Variants in ATRNL1 observed in about 807,000 individuals in gnomAD.
The protein encoded by ATRNL1 is attractin like 1.
A neutral mutation model predicts 182.7 loss-of-function variants in ATRNL1; 95 were observed. The observed-to-expected ratio is 0.52, with a 90% confidence interval of 0.44 to 0.62. The LOEUF (loss-of-function observed/expected upper bound fraction) is 0.62. ATRNL1 is among the 20% of genes least tolerant of loss of function. The probability of loss-of-function intolerance (pLI) is 0.00; values close to 1 mark genes in which losing one functional copy is unlikely to be tolerated. For missense variants in ATRNL1, 1,471 were observed against 1,679.5 expected (o/e 0.88, Z 2.17); for synonymous variants, 576 against 568.3 (o/e 1.01, Z -0.19).
intron 26 of ATRNL1, among the ~76,000 whole-genome samples, chr10:115,717,820 C>T (rs1171675139): frequency 1.3e-5 from 2 of 152,106 alleles, no homozygotes; most frequent in Non-Finnish European, 2.9e-5. Context: ...TCCCAAAGTG[C>T]TGGGATTACA....
rs140301580 is a variant in ATRNL1 at position 115,729,739 on chromosome 10, T to G, written c.3903+2384T>G. Among the ~76,000 whole-genome samples the G allele has an allele frequency of 6.9e-3, 1,045 of 152,204 alleles. 14 individuals are homozygous for G. Among genetic ancestry groups the G allele is most frequent in the African/African-American group, 0.024 (985 of 41,528 alleles). On this transcript the variant is annotated intron_variant, in intron 27 of 28. Coordinates refer to ENST00000355044, the MANE Select transcript of ATRNL1 (RefSeq NM_207303.4). ...CCTCCATTGCCCATCTCAAATAAAA[T>G]TAATACTTTAGCATGCTCTCAACTT...
chr10:115,792,225 G>A (rs1048643485), intron 27 of ATRNL1, among the ~76,000 whole-genome samples: 5 of 152,068 alleles, frequency 3.3e-5, no homozygotes, highest in Non-Finnish European at 5.9e-5. Flanking sequence ...TCCTCATCTA[G>A]TTGAAGTTAG....
intron 21 of ATRNL1, among the ~76,000 whole-genome samples, chr10:115,446,768 A>C (rs1322260775): frequency 6.6e-6 from 1 of 152,046 alleles, no homozygotes; most frequent in Non-Finnish European, 1.5e-5. Context: ...TGAGAAGTGT[A>C]AATAAGAGAG....
chr10:115,146,210 A>G (rs1380627776), intron 5 of ATRNL1, among the ~76,000 whole-genome samples: 4 of 152,180 alleles, frequency 2.6e-5, no homozygotes, highest in African/African-American at 4.8e-5. Context: ...CCACTTCAAC[A>G]TTAAAATGAA....
chr10:115,938,673 T>C (rs1953636229), intron 28 of ATRNL1, among the ~76,000 whole-genome samples: 1 of 152,144 alleles, frequency 6.6e-6, no homozygotes, highest in Admixed American at 6.6e-5. Context: ...TATACAGCCT[T>C]AAAAAGAAGG....
At chr10:115,358,016 T>C (rs1856577165) in intron 19 of ATRNL1, among the ~76,000 whole-genome samples, 1 of 151,700 alleles carries the variant, frequency 6.6e-6, no homozygotes, top group Non-Finnish European at 1.5e-5. Context: ...ATCCTGGCTC[T>C]GCACTATCTA....
At position 115,127,535 on chromosome 10, in the gene ATRNL1, G is replaced by A. The variant is rs1845025710; in HGVS notation, c.492-58G>A. 17 of 1,416,188 alleles carry A rather than the reference G, an allele frequency of 1.2e-5. No individual in the cohort carries two copies. The East Asian group carries it at 4.0e-4, about 33-fold the overall frequency. The allele number at this position is 1,416,188 out of a possible 1,614,324, so 87.7% of individuals were successfully genotyped here. On this transcript the variant is annotated intron_variant, in intron 3 of 28. Coordinates refer to ENST00000355044, the MANE Select transcript of ATRNL1 (RefSeq NM_207303.4). ...AAGAATATTTCTGAGTAAATTTTATGTGCTTAACAGTCTTATGTATATCTA... is the reference window on the plus strand; with the variant it reads ...AAGAATATTTCTGAGTAAATTTTATATGCTTAACAGTCTTATGTATATCTA...
At chr10:115,813,869 TTAAG>T (rs1454756790) in intron 27 of ATRNL1, among the ~76,000 whole-genome samples, 2 of 152,148 alleles carry the variant, frequency 1.3e-5, no homozygotes, top group African/African-American at 4.8e-5. Flanking sequence ...TCTCCTTTAA[TTAAG>T]TTTGTTCAGA....
chr10:115,234,917 G>A (rs1000343755), intron 9 of ATRNL1, among the ~76,000 whole-genome samples: 2 of 152,156 alleles, frequency 1.3e-5, no homozygotes, highest in Admixed American at 6.5e-5. Context: ...GTTCACATAT[G>A]TGATTGGCCT....
chr10:115,509,913 A>G (rs1412075892), intron 24 of ATRNL1, among the ~76,000 whole-genome samples: 1 of 152,060 alleles, frequency 6.6e-6, no homozygotes, highest in African/African-American at 2.4e-5. Flanking sequence ...GATAACATTC[A>G]TGATTCATGG....
intron 19 of ATRNL1, among the ~76,000 whole-genome samples, chr10:115,341,183 C>T (rs952900047): frequency 2.0e-5 from 3 of 151,804 alleles, no homozygotes; most frequent in African/African-American, 7.3e-5. Context: ...CTTAGTATTG[C>T]TTTGCTGTAT....
At chr10:115,604,315 T>A (rs1466609789) in intron 26 of ATRNL1, among the ~76,000 whole-genome samples, 1 of 152,176 alleles carries the variant, frequency 6.6e-6, no homozygotes, top group Non-Finnish European at 1.5e-5. Flanking sequence ...TAGAACAGCC[T>A]TGACTGTCCT....
intron 18 of ATRNL1, among the ~76,000 whole-genome samples, chr10:115,318,999 G>A (rs1197448850): frequency 6.6e-6 from 1 of 152,086 alleles, no homozygotes; most frequent in Non-Finnish European, 1.5e-5. Context: ...GTCGATTTGA[G>A]ATCTTTCCAG....
chr10:115,523,884 A>T (rs951460185), intron 25 of ATRNL1, among the ~76,000 whole-genome samples: 2 of 152,196 alleles, frequency 1.3e-5, no homozygotes, highest in African/African-American at 4.8e-5. Context: ...TTTCTGTCTT[A>T]GTCCATTTGC....
chr10:115,598,348 AAATTATTT>A (rs1450718172), intron 26 of ATRNL1, among the ~76,000 whole-genome samples: 2,293 of 34,024 alleles, frequency 0.067, 64 homozygotes, highest in African/African-American at 0.23. Context: ...TTATTTAAAA[AAATTATTT>A]ATTTATTTAT....
chr10:115,317,151 A>C (rs1854337980), intron 18 of ATRNL1, among the ~76,000 whole-genome samples: 1 of 152,180 alleles, frequency 6.6e-6, no homozygotes, highest in Non-Finnish European at 1.5e-5. Flanking sequence ...CAGTTTTCCC[A>C]GTACCATTTA....
intron 7 of ATRNL1, among the ~76,000 whole-genome samples, chr10:115,167,995 G>A (rs920551976): frequency 4.6e-5 from 7 of 152,072 alleles, no homozygotes; most frequent in South Asian, 2.1e-4. Flanking sequence ...ACACTTCCTC[G>A]TCTTCCCTAG....
chr10:115,566,546 A>G (rs1278636594), intron 26 of ATRNL1, among the ~76,000 whole-genome samples: 13 of 152,172 alleles, frequency 8.5e-5, no homozygotes, highest in African/African-American at 3.1e-4. Flanking sequence ...ATTAAAATGC[A>G]CTATTTTAGG....
At chr10:115,712,706 A>G (rs571204997) in intron 26 of ATRNL1, among the ~76,000 whole-genome samples, 1 of 152,056 alleles carries the variant, frequency 6.6e-6, no homozygotes, top group Admixed American at 6.5e-5. Context: ...TGTCTCTACT[A>G]AAAGTACACA....
Sources: allele counts gnomAD v4.1 joint callset (sites outside exome capture counted in the v4.1 genomes callset), GRCh38; gene constraint gnomAD v4.1.1; transcripts MANE v1.5; gene names NCBI Gene and HGNC (gene_info 2026-07-23, HGNC 2026-07-21).